PTPRJ: variants seen among roughly 807,000 people sequenced by gnomAD.
PTPRJ encodes the protein protein tyrosine phosphatase receptor type J, also known as receptor-type tyrosine-protein phosphatase eta.
In PTPRJ, 129 loss-of-function variants were observed where a neutral mutation model predicts 141.3. The ratio of observed to expected loss-of-function variants is 0.91; its 90% CI spans 0.79 to 1.06. The LOEUF (loss-of-function observed/expected upper bound fraction) is 1.06, where lower values mean the gene tolerates loss of function less well. Ranked by LOEUF, PTPRJ falls within the 50% of genes least tolerant of loss-of-function variation. PTPRJ has a pLI of 0.00. For synonymous variants in PTPRJ, 610 were observed against 640.5 expected (o/e 0.95, Z 0.72); for missense variants, 1,601 against 1,679.7 (o/e 0.95, Z 0.82).
At chr11:47,982,308 C>G (rs1326006754) in intron 1 of PTPRJ, among the ~76,000 whole-genome samples, 1 of 152,220 alleles carries the variant, frequency 6.6e-6, no homozygotes, top group East Asian at 1.9e-4. Context: ...GCTGGACTTG[C>G]TCTTCAGGCT....
intron 1 of PTPRJ, among the ~76,000 whole-genome samples, chr11:47,990,683 ATT>A (rs58395455): frequency 3.0e-4 from 38 of 127,634 alleles, no homozygotes; most frequent in Admixed American, 3.2e-4. Flanking sequence ...AAGTGTTGGG[ATT>A]TTTTTTTTTT....
intron 2 of PTPRJ, among the ~76,000 whole-genome samples, chr11:48,110,892 G>A (rs1856420609): frequency 6.6e-6 from 1 of 152,196 alleles, no homozygotes; most frequent in Non-Finnish European, 1.5e-5. Context: ...ATGACTAGAA[G>A]TTTTTTAAGG....
At chr11:48,033,635 C>G (rs576431806) in intron 1 of PTPRJ, among the ~76,000 whole-genome samples, 15 of 152,280 alleles carry the variant, frequency 9.9e-5, no homozygotes, top group Admixed American at 3.3e-4. Context: ...GTGTGGAAAT[C>G]CCTCAGAATG....
chr11:48,033,853 T>G (rs1473632463), intron 1 of PTPRJ, among the ~76,000 whole-genome samples: 1 of 152,182 alleles, frequency 6.6e-6, no homozygotes, highest in African/African-American at 2.4e-5. Context: ...ACCGGAAGTC[T>G]TTGTGGATCT....
At chr11:48,148,564 A>G (rs997114978) in intron 15 of PTPRJ, among the ~76,000 whole-genome samples, 1 of 151,968 alleles carries the variant, frequency 6.6e-6, no homozygotes, top group Non-Finnish European at 1.5e-5. Flanking sequence ...CAGCCTCCCA[A>G]GTAGCTGGGA....
intron 2 of PTPRJ, among the ~76,000 whole-genome samples, chr11:48,111,061 G>A (rs1856425210): frequency 6.6e-6 from 1 of 152,146 alleles, no homozygotes; most frequent in Non-Finnish European, 1.5e-5. Context: ...TGGATCACCT[G>A]AATTCAGGAG....
intron 6 of PTPRJ, among the ~76,000 whole-genome samples, chr11:48,126,022 G>A (rs939615365): frequency 6.6e-6 from 1 of 152,114 alleles, no homozygotes; most frequent in Non-Finnish European, 1.5e-5. Context: ...CCAGAGGGTG[G>A]GTTAGTTGGA....
intron 1 of PTPRJ, among the ~76,000 whole-genome samples, chr11:48,107,516 G>A (rs904294837): frequency 2.6e-5 from 4 of 152,148 alleles, no homozygotes; most frequent in Non-Finnish European, 4.4e-5. Context: ...ACTGTGGGCC[G>A]TACTGCATTC....
intron 1 of PTPRJ, among the ~76,000 whole-genome samples, chr11:47,993,665 A>T (rs920686001): frequency 6.6e-6 from 1 of 152,072 alleles, no homozygotes; most frequent in Non-Finnish European, 1.5e-5. Context: ...AGGTCTGAAT[A>T]GTGGGTGACT....
Position 48,167,465 on chromosome 11 carries a change from CTTTGTTCTGT to C in PTPRJ, c.*109_*118del. 1 of 1,327,502 alleles carries C rather than the reference CTTTGTTCTGT, an allele frequency of 7.5e-7. No individual in the cohort carries two copies. The highest frequency in any genetic ancestry group is 2.4e-5 in the East Asian group (1 of 41,538). The allele number at this position is 1,327,502 out of a possible 1,614,324, so 82.2% of individuals were successfully genotyped here. A position where few individuals can be genotyped will look rare whatever the true frequency, so the allele number is the denominator to read the frequency against. On this transcript the variant is annotated 3_prime_UTR_variant, in exon 25 of 25. Coordinates refer to ENST00000418331, the MANE Select transcript of PTPRJ (RefSeq NM_002843.4). ...TTTTTATATGTCTAATATCTTAATT[CTTTGTTCTGT>C]TTTGTGAGAACTAATTTTGAGGGCA...
At chr11:48,111,763 C>A (rs538694791) in intron 2 of PTPRJ, among the ~76,000 whole-genome samples, 1 of 151,706 alleles carries the variant, frequency 6.6e-6, no homozygotes, top group Non-Finnish European at 1.5e-5. Context: ...TTGGAAGGGC[C>A]GCTGTATTAG....
intron 12 of PTPRJ, 74 bp downstream of exon 12, chr11:48,143,124 G>C: frequency 6.4e-7 from 1 of 1,569,504 alleles, no homozygotes; most frequent in East Asian, 2.3e-5. Context: ...TGCCCACTGA[G>C]GCATGTGAGT....
At chr11:48,070,812 A>G (rs974452774) in intron 1 of PTPRJ, among the ~76,000 whole-genome samples, 4 of 152,216 alleles carry the variant, frequency 2.6e-5, no homozygotes, top group Non-Finnish European at 5.9e-5. Flanking sequence ...AAAATTTCTT[A>G]AATGGGATTA....
At chr11:48,083,921 G>T (rs1339560223) in intron 1 of PTPRJ, among the ~76,000 whole-genome samples, 1 of 152,178 alleles carries the variant, frequency 6.6e-6, no homozygotes, top group Non-Finnish European at 1.5e-5. Context: ...TAAACTATTT[G>T]TCCTTTCACT....
At chr11:48,108,162 A>C (rs957338689) in intron 1 of PTPRJ, among the ~76,000 whole-genome samples, 1 of 152,238 alleles carries the variant, frequency 6.6e-6, no homozygotes, top group Non-Finnish European at 1.5e-5. Flanking sequence ...ATTGGTTTCT[A>C]TCAGGAGGAT....
chr11:48,114,940 TAG>T (rs1205790323), intron 3 of PTPRJ, among the ~76,000 whole-genome samples: 3 of 151,498 alleles, frequency 2.0e-5, no homozygotes, highest in Non-Finnish European at 4.4e-5. Flanking sequence ...GCACCAAGAG[TAG>T]AACTGATCAA....
intron 19 of PTPRJ, among the ~76,000 whole-genome samples, 182 bp from the exon 20 acceptor site, chr11:48,155,619 C>T (rs892317782): frequency 5.3e-5 from 8 of 152,206 alleles, no homozygotes; most frequent in South Asian, 2.1e-4. Flanking sequence ...CTCTGTGCCA[C>T]GGTCATATAG....
Position 48,112,621 on chromosome 11 carries a change from G to T in PTPRJ, c.116-126G>T, listed in dbSNP as rs1411453337. On this transcript the variant is annotated intron_variant, in intron 2 of 24. Transcript: ENST00000418331. ...ATGTTGTAGGTGATGATACAAAGAA[G>T]AGAAAGAGAGGGATCAGTTTTTCCA... 8.3e-6 allele frequency: 6 copies of T among 722,696 alleles called. 1 individual carries two copies. Among genetic ancestry groups the T allele is most frequent in the African/African-American group, 7.1e-5 (4 of 56,040 alleles). 44.8% of individuals were successfully genotyped at this position (722,696 alleles called of 1,614,324 possible).
intron 1 of PTPRJ, among the ~76,000 whole-genome samples, chr11:48,047,549 G>T (rs1854442698): frequency 1.3e-5 from 2 of 151,122 alleles, no homozygotes; most frequent in African/African-American, 4.9e-5. Context: ...TGTTGCCCAG[G>T]CTGGAGTGCA....
Sources: gnomAD v4.1 joint callset for allele counts (sites outside exome capture counted in the v4.1 genomes callset) on GRCh38, gnomAD v4.1.1 for gene constraint, MANE v1.5 for transcripts, NCBI Gene and HGNC (gene_info 2026-07-23, HGNC 2026-07-21) for gene names.